ZFHX3: variants seen among roughly 807,000 people sequenced by gnomAD.
ZFHX3 encodes the protein zinc finger homeobox protein 3.
A neutral mutation model predicts 279.1 loss-of-function variants in ZFHX3; 42 were observed. The observed-to-expected ratio is 0.15, with a 90% CI of 0.12 to 0.19. The LOEUF (loss-of-function observed/expected upper bound fraction) is 0.19. Among genes scored for constraint, ZFHX3 ranks in the 10% least tolerant of loss-of-function variants. The pLI is 1.00. For missense variants in ZFHX3, 4,981 were observed against 4,754.0 expected, an observed-to-expected ratio of 1.05 and a Z score of -1.40; for synonymous variants, 2,293 against 1,957.8, an observed-to-expected ratio of 1.17 and a Z score of -4.52.
At chr16:73,510,752 T>C (rs1316059318) in intron 2 of ZFHX3, among the ~76,000 whole-genome samples, 1 of 152,238 alleles carries the variant, frequency 6.6e-6, no homozygotes, top group African/African-American at 2.4e-5. Flanking sequence ...GGAAGACTTT[T>C]TCTTTCACCT....
At chr16:73,567,696 C>T (rs941020762) in intron 2 of ZFHX3, among the ~76,000 whole-genome samples, 2 of 152,068 alleles carry the variant, frequency 1.3e-5, no homozygotes, top group African/African-American at 4.8e-5. Context: ...GTTCTCATTC[C>T]GAGTCTGGAT....
At position 72,846,924 on chromosome 16, in the gene ZFHX3, G is replaced by A. The variant is rs146613537; in HGVS notation, c.3449-17065C>T. Among the ~76,000 whole-genome samples, 59 of 152,274 alleles carry A rather than the reference G, an allele frequency of 3.9e-4. 1 individual carries two copies. The highest frequency in any genetic ancestry group is 1.2e-3 in the African/African-American group (49 of 41,556). On this transcript the variant is annotated intron_variant, in intron 4 of 9. Transcript: ENST00000268489. ...GCTGCAGCACTTGGACAGTCTGGAC[G>A]CCCATAAACCAAAGGACCCATCTGA...
At chr16:73,149,899 C>T (rs1277725639) in intron 5 of ZFHX3, among the ~76,000 whole-genome samples, 1 of 152,154 alleles carries the variant, frequency 6.6e-6, no homozygotes, top group African/African-American at 2.4e-5. Flanking sequence ...AGTCAGACCG[C>T]TTTGGAGGCC....
At chr16:73,366,870 A>T (rs2016540158) in intron 3 of ZFHX3, among the ~76,000 whole-genome samples, 1 of 152,172 alleles carries the variant, frequency 6.6e-6, no homozygotes, top group Non-Finnish European at 1.5e-5. Context: ...GAGAATGTTC[A>T]TTTTTGGTTG....
chr16:73,590,821 AT>A (rs1327101802), intron 2 of ZFHX3, among the ~76,000 whole-genome samples: 1 of 152,198 alleles, frequency 6.6e-6, no homozygotes, highest in Non-Finnish European at 1.5e-5. Context: ...ATGATCACCA[AT>A]GGCTATAATG....
intron 1 of ZFHX3, among the ~76,000 whole-genome samples, 174 bp from the exon 2 acceptor site, chr16:72,960,368 T>A (rs1961517675): frequency 6.6e-6 from 1 of 151,966 alleles, no homozygotes; most frequent in South Asian, 2.1e-4. Flanking sequence ...CCCCACACGG[T>A]CCAGCACACA....
At chr16:73,272,557 C>T (rs2144981784) in intron 4 of ZFHX3, among the ~76,000 whole-genome samples, 1 of 152,290 alleles carries the variant, frequency 6.6e-6, no homozygotes, top group East Asian at 1.9e-4. Context: ...AAGGACTGTG[C>T]TAGAGTCTAT....
chr16:72,797,402 C>T lies in ZFHX3; in HGVS notation c.5280G>A (p.Leu1760=), dbSNP rs141411245. 9.0e-4 allele frequency: 1,448 copies of T among 1,609,894 alleles called. 2 individuals carry two copies. Among genetic ancestry groups the T allele is most frequent in the Non-Finnish European group, 1.2e-3 (1,358 of 1,178,238 alleles). Residue 1760 remains leucine, a synonymous_variant, in exon 9 of 10, where the codon CTG becomes CTA. Coordinates refer to ENST00000268489, the MANE Select transcript of ZFHX3 (RefSeq NM_006885.4). The part of the protein sequence containing the change: ...AQVQAHLQQE[L]QQQAALIQSQ... ...ACTGGATCAGGGCAGCCTGTTGCTG[C>T]AGCTCCTGCTGCAGGTGAGCTTGAA... is the stretch of plus-strand genomic sequence containing the variant.
rs189705123 is a variant in ZFHX3 at position 73,199,105 on chromosome 16, T to C, written c.-1103-55274A>G. 3.6e-3 allele frequency among the ~76,000 whole-genome samples: 546 copies of C among 152,268 alleles called. 6 individuals carry two copies. The highest frequency in any genetic ancestry group is 0.012 in the African/African-American group (510 of 41,546). On this transcript the variant is annotated intron_variant, in intron 5 of 17. Coordinates refer to the ZFHX3 transcript ENST00000641206. ...GTATATTTCTAGAGTCATCTGTGAA[T>C]TGGGGGGAAACTTTGGAAACTGATG...
chr16:73,455,123 A>T (rs996719692), intron 3 of ZFHX3, among the ~76,000 whole-genome samples: 26 of 152,202 alleles, frequency 1.7e-4, no homozygotes, highest in African/African-American at 6.0e-4. Flanking sequence ...TAGCTCATAA[A>T]ATTAGAATGA....
rs1037932104 is a variant in ZFHX3, at chr16:73,182,926, C to T, written c.-1103-39095G>A. On this transcript the variant is annotated intron_variant, in intron 5 of 17. Coordinates refer to the ZFHX3 transcript ENST00000641206. ...GGGGTGAAAAATTACCTCTTGGGGC[C>T]GGGCGTGGTGGCTCACGCCTGTAAT... 2.0e-4 allele frequency among the ~76,000 whole-genome samples: 30 copies of T among 152,172 alleles called. 1 individual carries two copies. Among genetic ancestry groups the T allele is most frequent in the Admixed American group, 1.2e-3 (19 of 15,298 alleles).
chr16:73,775,786 G>T (rs923033437), intron 1 of ZFHX3, among the ~76,000 whole-genome samples: 2 of 152,160 alleles, frequency 1.3e-5, no homozygotes, highest in Non-Finnish European at 2.9e-5. Context: ...GGAGGCAGAG[G>T]AGGGTTTGCC....
chr16:73,451,651 T>C (rs896333487), intron 3 of ZFHX3, among the ~76,000 whole-genome samples: 1 of 152,214 alleles, frequency 6.6e-6, no homozygotes, highest in African/African-American at 2.4e-5. Flanking sequence ...TAAATTATTA[T>C]TTTGGTTATT....
At chr16:73,397,740 A>C (rs1317318401) in intron 3 of ZFHX3, among the ~76,000 whole-genome samples, 1 of 148,938 alleles carries the variant, frequency 6.7e-6, no homozygotes, top group East Asian at 2.0e-4. Flanking sequence ...AGGGTGAAAA[A>C]CAGTTCTTAT....
chr16:73,139,262 A>C (rs1966840033), intron 6 of ZFHX3, among the ~76,000 whole-genome samples: 1 of 152,224 alleles, frequency 6.6e-6, no homozygotes. Flanking sequence ...AAAATTATTG[A>C]AAATGTATAA....
intron 2 of ZFHX3, among the ~76,000 whole-genome samples, chr16:73,552,695 G>C (rs1293988044): frequency 6.6e-6 from 1 of 151,410 alleles, no homozygotes. Flanking sequence ...GAGGACATGA[G>C]TGTAAATGAG....
intron 2 of ZFHX3, among the ~76,000 whole-genome samples, chr16:73,606,857 T>A (rs2052190383): frequency 6.6e-6 from 1 of 152,090 alleles, no homozygotes; most frequent in Admixed American, 6.6e-5. Context: ...CCTGGGTTAG[T>A]TTGCTGAGGA....
chr16:72,953,694 C>T (rs994036849), intron 2 of ZFHX3, among the ~76,000 whole-genome samples: 3 of 152,140 alleles, frequency 2.0e-5, no homozygotes, highest in Non-Finnish European at 4.4e-5. Flanking sequence ...GAACCACCTG[C>T]CTCAGCCTCC....
At chr16:73,165,148 G>T (rs1277359268) in intron 5 of ZFHX3, among the ~76,000 whole-genome samples, 1 of 152,178 alleles carries the variant, frequency 6.6e-6, no homozygotes, top group East Asian at 1.9e-4. Flanking sequence ...AATCCTACCA[G>T]GTTCTCAGTC....
Sources: gnomAD v4.1 joint callset for allele counts (sites outside exome capture counted in the v4.1 genomes callset) on GRCh38, gnomAD v4.1.1 for gene constraint, MANE v1.5 for transcripts, NCBI Gene and HGNC (gene_info 2026-07-23, HGNC 2026-07-21) for gene names.